The following GCGR variants were observed in gnomAD, a reference collection of about 807,000 sequenced individuals.
GCGR encodes glucagon receptor.
Under a neutral mutation model 56.1 loss-of-function variants are expected in GCGR, and 41 were observed. The observed-to-expected ratio is 0.73, with a 90% CI of 0.57 to 0.95. The LOEUF is 0.95. GCGR is among the 40% of genes least tolerant of loss of function. The probability of loss-of-function intolerance (pLI) is 0.00; values close to 1 mark genes in which losing one functional copy is unlikely to be tolerated. For synonymous variants in GCGR, 278 were observed against 271.1 expected (o/e 1.03, Z -0.25); for missense variants, 595 against 638.2 (o/e 0.93, Z 0.73).
intron 1 of GCGR, among the ~76,000 whole-genome samples, chr17:81,807,605 C>T (rs1010469685): frequency 6.6e-6 from 1 of 152,268 alleles, no homozygotes; most frequent in African/African-American, 2.4e-5. Flanking sequence ...CTGGCACTGC[C>T]TTCCAGCTGG....
In GCGR at chr17:81,804,550, C is replaced by T. The variant is rs1322423016; in HGVS notation, c.-178+301C>T. ...GTGTCGCTGGCCGCCTGGCGCCCTGCGGCGGCCACACTGCAGCGGCCACAC... is the reference window on the plus strand; with the variant it reads ...GTGTCGCTGGCCGCCTGGCGCCCTGTGGCGGCCACACTGCAGCGGCCACAC... On this transcript the variant is annotated intron_variant, in intron 1 of 13. Transcript: ENST00000400723. This position sits in a 1 kb window ranked among gnomAD's most constrained non-coding sequence, Gnocchi z 8.2. 2.6e-5 allele frequency among the ~76,000 whole-genome samples: 4 copies of T among 151,730 alleles called. No homozygotes were observed. The highest frequency in any genetic ancestry group is 5.9e-5 in the Non-Finnish European group (4 of 67,850).
At position 81,810,683 on chromosome 17, in the gene GCGR, G is replaced by A; in HGVS notation, c.164-142G>A. ...AGATGGGGGAGGTGGAGGTCAAGTG[G>A]GGGAGGGAGCAGCCCAGGCCATGTC... On this transcript the variant is annotated intron_variant, in intron 3 of 13. Transcript: ENST00000400723. The surrounding 1 kb of genome is among the most constrained non-coding windows in gnomAD (Gnocchi z 4.6). 1 of 744,458 alleles carries A rather than the reference G, an allele frequency of 1.3e-6. No individual in the cohort carries two copies. The highest frequency in any genetic ancestry group is 2.2e-6 in the Non-Finnish European group (1 of 446,366). The allele number at this position is 744,458 out of a possible 1,614,324, so 46.1% of individuals were successfully genotyped here. A position where few individuals can be genotyped will look rare whatever the true frequency, so the allele number is the denominator to read the frequency against.
chr17:81,808,518 T>G (rs1263755679), intron 1 of GCGR, among the ~76,000 whole-genome samples: 2 of 143,704 alleles, frequency 1.4e-5, no homozygotes, highest in Non-Finnish European at 3.1e-5. Flanking sequence ...ATCGCCCTCT[T>G]TTTTTTTTTT....
Position 81,810,713 on chromosome 17 carries a change from G to A in GCGR, c.164-112G>A, listed in dbSNP as rs2038074658. 1 of 998,246 alleles carries A rather than the reference G, an allele frequency of 1.0e-6. No individual in the cohort carries two copies. Among genetic ancestry groups the A allele is most frequent in the Non-Finnish European group, 1.5e-6 (1 of 663,256 alleles). The allele number at this position is 998,246 out of a possible 1,614,324, so 61.8% of individuals were successfully genotyped here. A position where few individuals can be genotyped will look rare whatever the true frequency, so the allele number is the denominator to read the frequency against. ...GGGAGCAGCCCAGGCCATGTCCTGGGCGAGGTGACGGCCGAGCTCAGGCTT... is the reference window on the plus strand; with the variant it reads ...GGGAGCAGCCCAGGCCATGTCCTGGACGAGGTGACGGCCGAGCTCAGGCTT... On this transcript the variant is annotated intron_variant, in intron 3 of 13. Coordinates refer to ENST00000400723, the MANE Select transcript of GCGR (RefSeq NM_000160.5). The surrounding 1 kb of genome is among the most constrained non-coding windows in gnomAD (Gnocchi z 4.6).
Position 81,810,270 on chromosome 17 carries a change from T to C in GCGR, c.163+386T>C. 3 of 364,486 alleles carry C rather than the reference T, an allele frequency of 8.2e-6. No individual in the cohort carries two copies. The highest frequency in any genetic ancestry group is 6.9e-5 in the South Asian group (3 of 43,172). 22.6% of individuals were successfully genotyped at this position (364,486 alleles called of 1,614,324 possible). On this transcript the variant is annotated intron_variant, in intron 3 of 13. Coordinates refer to ENST00000400723, the MANE Select transcript of GCGR (RefSeq NM_000160.5). This position sits in a 1 kb window ranked among gnomAD's most constrained non-coding sequence, Gnocchi z 4.6. ...CGGGTGGAGAGTGTATATCATGGCCTGGACACTTGGGGTGCAGGGAGAGGA... is the reference window on the plus strand; with the variant it reads ...CGGGTGGAGAGTGTATATCATGGCCCGGACACTTGGGGTGCAGGGAGAGGA...
chr17:81,807,656 T>G (rs1458758718), intron 1 of GCGR, among the ~76,000 whole-genome samples: 1 of 152,210 alleles, frequency 6.6e-6, no homozygotes, highest in Non-Finnish European at 1.5e-5. Context: ...ACACCTCTTA[T>G]TCCATTTGAG....
At position 81,806,651 on chromosome 17, in the gene GCGR, CA is replaced by C; in HGVS notation, c.-177-2190del. On this transcript the variant is annotated intron_variant, in intron 1 of 13. Coordinates refer to ENST00000400723, the MANE Select transcript of GCGR (RefSeq NM_000160.5). The surrounding 1 kb of genome is among the most constrained non-coding windows in gnomAD (Gnocchi z 6.5). Reference sequence around the variant, plus strand: ...CCCAGTGGCTCTAGAGTCAACATGACAGGCATCGAATGGCTCCTGTTTCTCT... The same window carrying C: ...CCCAGTGGCTCTAGAGTCAACATGACGGCATCGAATGGCTCCTGTTTCTCT... Among the ~76,000 whole-genome samples, 1 of 152,274 alleles carries C rather than the reference CA, an allele frequency of 6.6e-6. No individual in the cohort carries two copies. Among genetic ancestry groups the C allele is most frequent in the African/African-American group, 2.4e-5 (1 of 41,548 alleles).
chr17:81,811,991 G>A lies in GCGR; in HGVS notation c.878+45G>A. The A allele has an allele frequency of 1.3e-6, 2 of 1,535,528 alleles. No homozygotes were observed. Among genetic ancestry groups the A allele is most frequent in the Non-Finnish European group, 1.7e-6 (2 of 1,146,150 alleles). On this transcript the variant is annotated intron_variant, in intron 9 of 13. Transcript: ENST00000400723. The surrounding 1 kb of genome is among the most constrained non-coding windows in gnomAD (Gnocchi z 5.8). ...CAGCCTGGGGAGGGACCGGGGGGCT[G>A]GGGTGCGGCGCTCTGGCCTGAGGCA...
rs757894502 is a variant in GCGR, at chr17:81,813,492, C to T, written c.1237C>T (p.Arg413Trp). 6.6e-5 allele frequency: 102 copies of T among 1,535,202 alleles called. 8 individuals are homozygous for T. The Admixed American group carries it at 7.3e-4, about 11-fold the overall frequency. Residue 413 changes from arginine to tryptophan, a missense_variant, in exon 14 of 14, where the codon CGG becomes TGG. Arg to Trp is a moderately radical substitution (Grantham distance 101). Transcript: ENST00000400723. The surrounding 1 kb of genome is among the most constrained non-coding windows in gnomAD (Gnocchi z 5.3). ...TCCCCAGGTGCAGTCGGAGCTGCGG[C>T]GGCGTTGGCACCGCTGGCGCCTGGG... ...LNKEVQSELR[R>W]RWHRWRLGKV...
Position 81,813,071 on chromosome 17 carries a change from G to C in GCGR, c.1218+14G>C, listed in dbSNP as rs1236802713. 6.5e-7 allele frequency: 1 copy of C among 1,535,746 alleles called. No homozygotes were observed. Among genetic ancestry groups the C allele is most frequent in the Non-Finnish European group, 8.7e-7 (1 of 1,146,792 alleles). On this transcript the variant is annotated intron_variant, in intron 13 of 13. Transcript: ENST00000400723. The surrounding 1 kb of genome is among the most constrained non-coding windows in gnomAD (Gnocchi z 5.3). ...CTCAACAAGGAGGTAGGTGGGAGTGGGGGCATCTGAGACCATCAGCACTGG... is the reference window on the plus strand; with the variant it reads ...CTCAACAAGGAGGTAGGTGGGAGTGCGGGCATCTGAGACCATCAGCACTGG...
At chr17:81,809,347 T>TCTGTCGGCCTGCCTGCCTGC (rs2038032439) in intron 2 of GCGR, among the ~76,000 whole-genome samples, 1 of 141,550 alleles carries the variant, frequency 7.1e-6, no homozygotes, top group Non-Finnish European at 1.5e-5. Context: ...TGCCTGCCTG[T>TCTGTCGGCCTGCCTGCCTGC]CTGTCGGCCT....
intron 2 of GCGR, 24 bp from the exon 3 acceptor site, chr17:81,809,758 G>T (rs1415404942): frequency 2.8e-6 from 4 of 1,427,054 alleles, no homozygotes; most frequent in African/African-American, 1.5e-5. Flanking sequence ...TGTCTGTCTG[G>T]TTGCTTGTGC....
Position 81,810,798 on chromosome 17 carries a change from T to C in GCGR, c.164-27T>C. On this transcript the variant is annotated intron_variant, in intron 3 of 13. Coordinates refer to ENST00000400723, the MANE Select transcript of GCGR (RefSeq NM_000160.5). The surrounding 1 kb of genome is among the most constrained non-coding windows in gnomAD (Gnocchi z 4.6). ...CTTCTCCCACCCTGCCCTGCCCTGC[T>C]CTGCCCTGCCCTACCCTACCCTGCA... 6 of 1,521,278 alleles carry C rather than the reference T, an allele frequency of 3.9e-6. No individual in the cohort carries two copies. The highest frequency in any genetic ancestry group is 5.3e-6 in the Non-Finnish European group (6 of 1,133,024). The allele number at this position is 1,521,278 out of a possible 1,614,324, so 94.2% of individuals were successfully genotyped here. A position where few individuals can be genotyped will look rare whatever the true frequency, so the allele number is the denominator to read the frequency against.
intron 2 of GCGR, among the ~76,000 whole-genome samples, chr17:81,809,500 C>CGTCTGCCTGCCT (rs1434816230): frequency 2.4e-5 from 2 of 82,022 alleles, no homozygotes; most frequent in Admixed American, 1.1e-4. Flanking sequence ...TCTGCCTGTC[C>CGTCTGCCTGCCT]GTCTGCCTGC....
In GCGR at chr17:81,811,565, G is replaced by GC; in HGVS notation, c.657+11dup. On this transcript the variant is annotated splice_donor_region_variant and intron_variant, in intron 7 of 13. Coordinates refer to ENST00000400723, the MANE Select transcript of GCGR (RefSeq NM_000160.5). The surrounding 1 kb of genome is among the most constrained non-coding windows in gnomAD (Gnocchi z 5.8). ...AGCACCTGGCTCAGTGATGGAGTGAGCCCCCCTCGGCGGCCCCAGGCAGGT... is the reference window on the plus strand; with the variant it reads ...AGCACCTGGCTCAGTGATGGAGTGAGCCCCCCCTCGGCGGCCCCAGGCAGGT... The GC allele has an allele frequency of 6.5e-7, 1 of 1,536,298 alleles. No homozygotes were observed. Among genetic ancestry groups the GC allele is most frequent in the Non-Finnish European group, 8.7e-7 (1 of 1,146,822 alleles).
At chr17:81,809,224 C>T (rs2038026171) in intron 2 of GCGR, 146 bp downstream of exon 2, 1 of 987,016 alleles carries the variant, frequency 1.0e-6, no homozygotes, top group African/African-American at 1.6e-5. Flanking sequence ...GCCTGTCTGT[C>T]TGCCTGTCCG....
In GCGR at chr17:81,806,576, C is replaced by T. The variant is rs1033732804; in HGVS notation, c.-177-2266C>T. ...CTGGCTGCCCGGCTGGAAGGTGGGGCCCTGGCACGCGAGGACCTCATGTGT... is the reference window on the plus strand; with the variant it reads ...CTGGCTGCCCGGCTGGAAGGTGGGGTCCTGGCACGCGAGGACCTCATGTGT... On this transcript the variant is annotated intron_variant, in intron 1 of 13. Coordinates refer to ENST00000400723, the MANE Select transcript of GCGR (RefSeq NM_000160.5). This position sits in a 1 kb window ranked among gnomAD's most constrained non-coding sequence, Gnocchi z 6.5. Among the ~76,000 whole-genome samples the T allele has an allele frequency of 2.6e-5, 4 of 152,188 alleles. No homozygotes were observed. The highest frequency in any genetic ancestry group is 9.7e-5 in the African/African-American group (4 of 41,440).
rs2143111846 is a variant in GCGR at position 81,808,920 on chromosome 17, C to T, written c.-99C>T. On this transcript the variant is annotated 5_prime_UTR_variant, in exon 2 of 14. Coordinates refer to ENST00000400723, the MANE Select transcript of GCGR (RefSeq NM_000160.5). ...CGCCCCAGGCTCTGCTGCTCTGCCA[C>T]TCAGCTGCCCTCGGAGGAGCGTACA... 6.9e-7 allele frequency: 1 copy of T among 1,439,430 alleles called. No individual in the cohort carries two copies. The highest frequency in any genetic ancestry group is 9.4e-7 in the Non-Finnish European group (1 of 1,060,828). 89.2% of individuals were successfully genotyped at this position (1,439,430 alleles called of 1,614,324 possible).
At chr17:81,805,823 T>C (rs1329613669) in intron 1 of GCGR, among the ~76,000 whole-genome samples, 3 of 152,216 alleles carry the variant, frequency 2.0e-5, no homozygotes, top group Non-Finnish European at 4.4e-5. Context: ...ACCAGCTGTG[T>C]CGCCGGAAGG....
Sources: gnomAD v4.1 joint callset for allele counts (sites outside exome capture counted in the v4.1 genomes callset) on GRCh38, gnomAD v4.1.1 for gene constraint, Gnocchi (gnomAD v3.1) non-coding constraint, MANE v1.5 for transcripts, NCBI Gene and HGNC (gene_info 2026-07-23, HGNC 2026-07-21) for gene names.